Variants in RALB observed in about 807,000 individuals in gnomAD.
The protein encoded by RALB is RAS like proto-oncogene B.
Under a neutral mutation model 21.3 loss-of-function variants are expected in RALB, and 16 were observed. That is an observed-to-expected ratio of 0.75 (90% CI 0.51 to 1.14). The LOEUF is 1.14. Among genes scored for constraint, RALB ranks in the 50% most tolerant of loss-of-function variants. The probability of loss-of-function intolerance (pLI) is 0.00; values close to 1 mark genes in which losing one functional copy is unlikely to be tolerated. For synonymous variants in RALB, 93 were observed against 96.1 expected (o/e 0.97, Z 0.19); for missense variants, 161 against 256.2 (o/e 0.63, Z 2.54).
chr2:120,256,309 G>C (rs1689197789), intron 1 of RALB, among the ~76,000 whole-genome samples: 1 of 152,146 alleles, frequency 6.6e-6, no homozygotes, highest in South Asian at 2.1e-4. Context: ...GATCTGACGG[G>C]GGTGGGGAGA....
rs941588240 is a variant in RALB, at chr2:120,294,514, C to T, written c.*1254C>T. The stretch of plus-strand genomic sequence containing the variant: ...CACTGTGGGAAGAGCCCAGTATTCA[C>T]ATTTTTTCCCCATTTTTCAGAAGCG... On this transcript the variant is annotated 3_prime_UTR_variant, in exon 5 of 5. Coordinates refer to ENST00000272519, the MANE Select transcript of RALB (RefSeq NM_002881.3). 5.6e-6 allele frequency: 2 copies of T among 360,104 alleles called. No homozygotes were observed. Among genetic ancestry groups the T allele is most frequent in the African/African-American group, 4.2e-5 (2 of 47,826 alleles). 22.3% of individuals were successfully genotyped at this position (360,104 alleles called of 1,614,324 possible).
intron 1 of RALB, among the ~76,000 whole-genome samples, chr2:120,255,314 A>G (rs1273139127): frequency 6.6e-6 from 1 of 152,070 alleles, no homozygotes; most frequent in East Asian, 1.9e-4. Flanking sequence ...TGTTATCGCA[A>G]AGAGAGCCGA....
intron 1 of RALB, among the ~76,000 whole-genome samples, chr2:120,247,150 G>A (rs149196544): frequency 6.6e-6 from 1 of 152,266 alleles, no homozygotes; most frequent in Non-Finnish European, 1.5e-5. Context: ...ATGCGTCTGC[G>A]GGAAGAGGGA....
chr2:120,266,518 A>G (rs1366095315), intron 1 of RALB, among the ~76,000 whole-genome samples: 1 of 152,090 alleles, frequency 6.6e-6, no homozygotes, highest in Non-Finnish European at 1.5e-5. Context: ...AAGTGCTGGG[A>G]TTACAGGCGT....
chr2:120,243,997 A>T (rs1254269537), intron 1 of RALB, among the ~76,000 whole-genome samples: 1 of 152,208 alleles, frequency 6.6e-6, no homozygotes, highest in Non-Finnish European at 1.5e-5. Context: ...CAGGCTGTAC[A>T]GGAACTATGG....
intron 1 of RALB, among the ~76,000 whole-genome samples, chr2:120,242,951 C>T (rs926822219): frequency 7.9e-5 from 12 of 152,098 alleles, no homozygotes; most frequent in Admixed American, 1.3e-4. Context: ...ACAAAATGGA[C>T]GCGGACTAAC....
At chr2:120,250,612 T>C (rs963484848), upstream of RALB, among the ~76,000 whole-genome samples, 14 of 152,250 alleles carry the variant, frequency 9.2e-5, no homozygotes, top group African/African-American at 2.9e-4. Context: ...GCTCTTTCCA[T>C]GGCAGCAGTC....
At chr2:120,270,990 T>G (rs2104616489) in intron 1 of RALB, among the ~76,000 whole-genome samples, 1 of 152,326 alleles carries the variant, frequency 6.6e-6, no homozygotes. Flanking sequence ...GCTGTGTGCT[T>G]CTGTTGCCGT....
intron 1 of RALB, among the ~76,000 whole-genome samples, chr2:120,276,506 G>A (rs1689796974): frequency 6.6e-6 from 1 of 152,082 alleles, no homozygotes; most frequent in Non-Finnish European, 1.5e-5. Context: ...AGGAGGCTGA[G>A]GCAGGAGAAT....
Position 120,278,670 on chromosome 2 carries a change from T to C in RALB, c.6T>C (p.Ala2=). The C allele has an allele frequency of 6.3e-7, 1 of 1,594,576 alleles. No homozygotes were observed. Among genetic ancestry groups the C allele is most frequent in the Non-Finnish European group, 8.5e-7 (1 of 1,169,704 alleles). M[A]ANKSKGQSSL... is the part of the protein sequence containing the mutation. ...AGCCTCAGAAGACCAGCGAGATGGCTGCCAACAAGAGTAAGGGCCAGAGCT... is the reference window on the plus strand; with the variant it reads ...AGCCTCAGAAGACCAGCGAGATGGCCGCCAACAAGAGTAAGGGCCAGAGCT... The change falls in exon 2 of 5, where the codon GCT becomes GCC. Residue 2 remains alanine (A), a synonymous_variant. Transcript: ENST00000272519.
At chr2:120,243,553 G>A (rs1688925634) in intron 1 of RALB, among the ~76,000 whole-genome samples, 1 of 152,134 alleles carries the variant, frequency 6.6e-6, no homozygotes, top group African/African-American at 2.4e-5. Context: ...TTTCACACCT[G>A]GGGAGGGAGT....
At chr2:120,285,395 C>T (rs554449537) in intron 2 of RALB, among the ~76,000 whole-genome samples, 18 of 152,200 alleles carry the variant, frequency 1.2e-4, no homozygotes, top group African/African-American at 4.3e-4. Flanking sequence ...ATACATCTTG[C>T]CAAATTACTT....
At chr2:120,248,845 T>A (rs2104570221), upstream of RALB, among the ~76,000 whole-genome samples, 1 of 152,172 alleles carries the variant, frequency 6.6e-6, no homozygotes, top group Middle Eastern at 3.4e-3. Context: ...AATTTTTTTA[T>A]TTTTTATAGA....
intron 1 of RALB, among the ~76,000 whole-genome samples, chr2:120,267,462 T>C (rs762441959): frequency 6.6e-6 from 1 of 152,192 alleles, no homozygotes; most frequent in Non-Finnish European, 1.5e-5. Context: ...CTAATTAGAA[T>C]AGCAGCTACA....
rs540900753 is a variant in RALB at position 120,294,678 on chromosome 2, C to T, written c.*1418C>T. 266 of 158,900 alleles carry T rather than the reference C, an allele frequency of 1.7e-3. No homozygotes were observed. Among genetic ancestry groups the T allele is most frequent in the African/African-American group, 6.2e-3 (259 of 41,660 alleles). The allele number at this position is 158,900 out of a possible 1,614,324, so 9.8% of individuals were successfully genotyped here. A position where few individuals can be genotyped will look rare whatever the true frequency, so the allele number is the denominator to read the frequency against. ...GTATCCCCTCCCAAAGAATCATGGG[C>T]TTTTTTTTTGAATAAAAAAGCAGAC... On this transcript the variant is annotated 3_prime_UTR_variant, in exon 5 of 5. Coordinates refer to ENST00000272519, the MANE Select transcript of RALB (RefSeq NM_002881.3).
At chr2:120,277,745 GTGAA>G in intron 1 of RALB, among the ~76,000 whole-genome samples, 1 of 152,076 alleles carries the variant, frequency 6.6e-6, no homozygotes, top group Non-Finnish European at 1.5e-5. Flanking sequence ...GAGCTTGTGT[GTGAA>G]TGTGAGCATG....
upstream of RALB, among the ~76,000 whole-genome samples, chr2:120,248,012 C>T (rs1211587781): frequency 1.3e-5 from 2 of 152,138 alleles, no homozygotes; most frequent in Non-Finnish European, 2.9e-5. Flanking sequence ...GAGAACAGGA[C>T]CAGACAGCAG....
At position 120,293,341 on chromosome 2, in the gene RALB, T is replaced by C; in HGVS notation, c.*81T>C. ...AAAGAGAAGGCTATGGTTGACTTCTTGCTTGTGCTTCCCACTCTCCCCGAC... is the reference window on the plus strand; with the variant it reads ...AAAGAGAAGGCTATGGTTGACTTCTCGCTTGTGCTTCCCACTCTCCCCGAC... On this transcript the variant is annotated 3_prime_UTR_variant, in exon 5 of 5. Coordinates refer to ENST00000272519, the MANE Select transcript of RALB (RefSeq NM_002881.3). 7.2e-7 allele frequency: 1 copy of C among 1,380,528 alleles called. No homozygotes were observed. The highest frequency in any genetic ancestry group is 9.6e-7 in the Non-Finnish European group (1 of 1,046,434). The allele number at this position is 1,380,528 out of a possible 1,614,324, so 85.5% of individuals were successfully genotyped here. A position where few individuals can be genotyped will look rare whatever the true frequency, so the allele number is the denominator to read the frequency against.
chr2:120,243,768 C>G (rs1166593437), intron 1 of RALB, among the ~76,000 whole-genome samples: 1 of 152,168 alleles, frequency 6.6e-6, no homozygotes, highest in Non-Finnish European at 1.5e-5. Flanking sequence ...ATGCATCATT[C>G]TTCATATAAG....
Sources: allele counts gnomAD v4.1 joint callset (sites outside exome capture counted in the v4.1 genomes callset), GRCh38; gene constraint gnomAD v4.1.1; transcripts MANE v1.5; gene names NCBI Gene and HGNC (gene_info 2026-07-23, HGNC 2026-07-21).